PTCHD4: variants seen among roughly 807,000 people sequenced by gnomAD.
The protein encoded by PTCHD4 is patched domain-containing protein 4.
A neutral mutation model predicts 58.1 loss-of-function variants in PTCHD4; 33 were observed. The ratio of observed to expected loss-of-function variants is 0.57; its 90% CI spans 0.43 to 0.76. The LOEUF is 0.76. Among genes scored for constraint, PTCHD4 ranks in the 30% least tolerant of loss-of-function variants. The pLI, the probability that PTCHD4 is intolerant of heterozygous loss-of-function variation, is 0.00. For missense variants in PTCHD4, 1,058 were observed against 1,027.1 expected, an observed-to-expected ratio of 1.03 and a Z score of -0.41; for synonymous variants, 478 against 409.6, an observed-to-expected ratio of 1.17 and a Z score of -2.02.
At chr6:48,042,945 C>T (rs990809725) in intron 3 of PTCHD4, among the ~76,000 whole-genome samples, 5 of 151,938 alleles carry the variant, frequency 3.3e-5, no homozygotes, top group African/African-American at 1.2e-4. Context: ...AAAGCAAGGT[C>T]TGCTCAGATT....
chr6:48,073,155 T>A (rs1209228861), intron 1 of PTCHD4, among the ~76,000 whole-genome samples: 1 of 152,152 alleles, frequency 6.6e-6, no homozygotes, highest in Non-Finnish European at 1.5e-5. Context: ...CTGAAAGTGG[T>A]GCATTTAGGG....
chr6:47,871,324 C>T lies in PTCHD4; in HGVS notation c.*6979G>A, dbSNP rs973692744. 6.6e-6 allele frequency among the ~76,000 whole-genome samples: 1 copy of T among 151,490 alleles called. No homozygotes were observed. The highest frequency in any genetic ancestry group is 6.6e-5 in the Admixed American group (1 of 15,150). ...TGGTAACTTTGTCTCTTTCTATTTG[C>T]CTAGAATAAACAAACAAACACCCGA... On this transcript the variant is annotated 3_prime_UTR_variant, in exon 5 of 5. Transcript: ENST00000339488.
At position 47,872,765 on chromosome 6, in the gene PTCHD4, A is replaced by G. The variant is rs1763751029; in HGVS notation, c.*5538T>C. Among the ~76,000 whole-genome samples the G allele has an allele frequency of 6.6e-6, 1 of 151,620 alleles. No individual in the cohort carries two copies. Among genetic ancestry groups the G allele is most frequent in the Admixed American group, 6.6e-5 (1 of 15,168 alleles). On this transcript the variant is annotated 3_prime_UTR_variant, in exon 5 of 5. Transcript: ENST00000339488. ...GGTTTTCAGTTTAAGGTACACTCCC[A>G]TTTAATTTTTACATCTTTAGAGATG...
At chr6:47,951,282 T>A (rs1766637600) in intron 4 of PTCHD4, among the ~76,000 whole-genome samples, 1 of 152,166 alleles carries the variant, frequency 6.6e-6, no homozygotes, top group Non-Finnish European at 1.5e-5. Flanking sequence ...AGGGAGACTT[T>A]ATCACTCCTA....
chr6:48,041,179 G>A (rs1297386609), intron 3 of PTCHD4, among the ~76,000 whole-genome samples: 1 of 152,054 alleles, frequency 6.6e-6, no homozygotes, highest in African/African-American at 2.4e-5. Context: ...AGAATTGAGA[G>A]AAAGTGGACC....
intron 3 of PTCHD4, among the ~76,000 whole-genome samples, chr6:48,016,836 T>G (rs1183515058): frequency 6.6e-6 from 1 of 152,172 alleles, no homozygotes; most frequent in Non-Finnish European, 1.5e-5. Flanking sequence ...AGAAAAAAAT[T>G]ACTTGATGAT....
chr6:47,948,315 C>A (rs967230067), intron 4 of PTCHD4, among the ~76,000 whole-genome samples: 1 of 152,166 alleles, frequency 6.6e-6, no homozygotes, highest in Non-Finnish European at 1.5e-5. Flanking sequence ...TGACGAGAGG[C>A]TCTTTGCAAG....
In PTCHD4 at chr6:47,863,766, C is replaced by T. The variant is rs1296706323; in HGVS notation, c.*14537G>A. Among the ~76,000 whole-genome samples, 2 of 151,916 alleles carry T rather than the reference C, an allele frequency of 1.3e-5. No homozygotes were observed. Among genetic ancestry groups the T allele is most frequent in the African/African-American group, 2.4e-5 (1 of 41,410 alleles). ...TGACACATTCTTTTATACTCTACGC[C>T]TTGGTTCCATGTTCCTAAATTTTCT... On this transcript the variant is annotated 3_prime_UTR_variant, in exon 5 of 5. Transcript: ENST00000339488.
At chr6:47,895,647 T>A (rs1264032543) in intron 4 of PTCHD4, among the ~76,000 whole-genome samples, 1 of 152,174 alleles carries the variant, frequency 6.6e-6, no homozygotes, top group Non-Finnish European at 1.5e-5. Flanking sequence ...AACATATGTA[T>A]CCTCCTTCCA....
chr6:47,905,079 A>ACACACACACACT (rs1163514067), intron 4 of PTCHD4, among the ~76,000 whole-genome samples: 4 of 151,888 alleles, frequency 2.6e-5, no homozygotes, highest in Non-Finnish European at 5.9e-5. Flanking sequence ...ACACACACAC[A>ACACACACACACT]CACACATAAA....
chr6:48,021,348 T>C (rs886298211), intron 3 of PTCHD4, among the ~76,000 whole-genome samples: 1 of 152,094 alleles, frequency 6.6e-6, no homozygotes, highest in African/African-American at 2.4e-5. Context: ...TGATCTGGCC[T>C]TGCACTTGGC....
In PTCHD4 at chr6:47,869,488, T is replaced by G. The variant is rs1345960516; in HGVS notation, c.*8815A>C. On this transcript the variant is annotated 3_prime_UTR_variant, in exon 5 of 5. Transcript: ENST00000339488. ...GACCCGATTATAAATTGCTGTAGAT[T>G]TGAAGGTAACATAATTATTAAGGGG... Among the ~76,000 whole-genome samples, 4 of 151,734 alleles carry G rather than the reference T, an allele frequency of 2.6e-5. No individual in the cohort carries two copies. Among genetic ancestry groups the G allele is most frequent in the Admixed American group, 2.6e-4 (4 of 15,190 alleles).
intron 3 of PTCHD4, among the ~76,000 whole-genome samples, chr6:48,015,701 A>T (rs1762843913): frequency 6.6e-6 from 1 of 151,810 alleles, no homozygotes; most frequent in Admixed American, 6.6e-5. Context: ...CCTACAAATG[A>T]TTTCTATTTG....
chr6:48,087,608 T>C (rs1034745552), intron 1 of PTCHD4, among the ~76,000 whole-genome samples: 2 of 152,236 alleles, frequency 1.3e-5, no homozygotes, highest in Non-Finnish European at 2.9e-5. Flanking sequence ...GGTAAACTAA[T>C]TGAAGCTCTA....
chr6:48,082,856 T>A (rs1765193847), intron 1 of PTCHD4, among the ~76,000 whole-genome samples: 1 of 152,084 alleles, frequency 6.6e-6, no homozygotes, highest in Admixed American at 6.5e-5. Context: ...TTATTTATAT[T>A]TATTTTGATA....
At chr6:48,004,615 A>T (rs2114071387) in intron 4 of PTCHD4, among the ~76,000 whole-genome samples, 1 of 152,308 alleles carries the variant, frequency 6.6e-6, no homozygotes, top group Non-Finnish European at 1.5e-5. Flanking sequence ...GGTCCTTTCA[A>T]GTATTTTTTT....
rs1344313624 is a variant in PTCHD4 at position 47,872,386 on chromosome 6, G to A, written c.*5917C>T. Among the ~76,000 whole-genome samples the A allele has an allele frequency of 6.6e-6, 1 of 151,560 alleles. No homozygotes were observed. Among genetic ancestry groups the A allele is most frequent in the Non-Finnish European group, 1.5e-5 (1 of 67,750 alleles). ...GCAATGTGCTTACTCTACAAACTGT[G>A]GCAACAGAGGGAAAGAAAACCGTAA... is the stretch of plus-strand genomic sequence containing the variant. On this transcript the variant is annotated 3_prime_UTR_variant, in exon 5 of 5. Transcript: ENST00000339488.
chr6:48,008,640 C>G lies in PTCHD4; in HGVS notation c.892G>C (p.Ala298Pro). 6.2e-7 allele frequency: 1 copy of G among 1,612,300 alleles called. No individual in the cohort carries two copies. Residue 298 changes from alanine (A) to proline (P), a missense_variant, in exon 4 of 5, where the codon GCC becomes CCC. Physicochemically the swap from Ala to Pro is conservative, Grantham distance 27 (BLOSUM62 -1). Transcript: ENST00000339488. ...NSTLLGIPFF[A>P]MGHGTKGVFE... ...CACAAGGATGGATAGTTACCCATGG[C>G]GAAGAACGGGATTCCCAGCAGGGTG... is the stretch of plus-strand genomic sequence containing the variant.
intron 3 of PTCHD4, among the ~76,000 whole-genome samples, chr6:48,056,420 G>A (rs1276254578): frequency 6.6e-6 from 1 of 152,112 alleles, no homozygotes; most frequent in Admixed American, 6.6e-5. Context: ...TTTTCAGTCT[G>A]TAACTTTTCA....
Sources: allele counts gnomAD v4.1 joint callset (sites outside exome capture counted in the v4.1 genomes callset), GRCh38; gene constraint gnomAD v4.1.1; transcripts MANE v1.5; gene names NCBI Gene and HGNC (gene_info 2026-07-23, HGNC 2026-07-21).